Variants in ANKRD12 observed in about 807,000 individuals in gnomAD.
ANKRD12 encodes the protein ankyrin repeat domain 12, also known as ankyrin repeat domain-containing protein 12.
In ANKRD12, 85 loss-of-function variants were observed where a neutral mutation model predicts 183.4. The ratio of observed to expected loss-of-function variants is 0.46; its 90% CI spans 0.39 to 0.56. ANKRD12 has a LOEUF of 0.56. ANKRD12 is among the 20% of genes least tolerant of loss of function. ANKRD12 has a pLI of 0.00. For missense variants in ANKRD12, 2,405 were observed against 2,357.1 expected, an observed-to-expected ratio of 1.02 and a Z score of -0.42; for synonymous variants, 914 against 800.2, an observed-to-expected ratio of 1.14 and a Z score of -2.40.
At chr18:9,202,938 A>T (rs2035261615) in intron 3 of ANKRD12, among the ~76,000 whole-genome samples, 1 of 152,228 alleles carries the variant, frequency 6.6e-6, no homozygotes, top group African/African-American at 2.4e-5. Context: ...ATAAACTGGT[A>T]AACTACATTA....
chr18:9,177,216 C>A (rs1274471982), intron 1 of ANKRD12, among the ~76,000 whole-genome samples: 1 of 152,108 alleles, frequency 6.6e-6, no homozygotes, highest in Admixed American at 6.5e-5. Context: ...AAGATTGTTA[C>A]ACGGAGAATG....
intron 9 of ANKRD12, among the ~76,000 whole-genome samples, chr18:9,261,583 CTT>C (rs2145272431): frequency 6.6e-6 from 1 of 152,298 alleles, no homozygotes; most frequent in East Asian, 1.9e-4. Flanking sequence ...CTGCTGATCT[CTT>C]CTGCGGTCTT....
At chr18:9,212,509 C>T (rs1334720645) in intron 6 of ANKRD12, among the ~76,000 whole-genome samples, 1 of 151,720 alleles carries the variant, frequency 6.6e-6, no homozygotes, top group African/African-American at 2.4e-5. Flanking sequence ...GGTAGGCCTA[C>T]TCCATTAATT....
chr18:9,182,426 C>G lies in ANKRD12; in HGVS notation c.-7C>G, dbSNP rs770039664. 12 of 1,603,302 alleles carry G rather than the reference C, an allele frequency of 7.5e-6. No individual in the cohort carries two copies. The highest frequency in any genetic ancestry group is 1.0e-5 in the Non-Finnish European group (12 of 1,172,520). ...ATAAAAGAAGAAGCTAGCTGAACAG[C>G]TGTAAAATGCCCAAATCTGGGTTCA... On this transcript the variant is annotated 5_prime_UTR_variant, in exon 2 of 13. Coordinates refer to ENST00000262126, the MANE Select transcript of ANKRD12 (RefSeq NM_015208.5).
At chr18:9,245,703 CTT>C (rs1857808949) in intron 8 of ANKRD12, among the ~76,000 whole-genome samples, 1 of 152,044 alleles carries the variant, frequency 6.6e-6, no homozygotes, top group Non-Finnish European at 1.5e-5. Flanking sequence ...CTCATAAACA[CTT>C]ATGTAAATCA....
chr18:9,234,233 C>T (rs1482961481), intron 8 of ANKRD12, among the ~76,000 whole-genome samples: 2 of 152,216 alleles, frequency 1.3e-5, no homozygotes, highest in Admixed American at 6.5e-5. Flanking sequence ...TCACCCCAGC[C>T]TCCCGTGGTA....
chr18:9,184,665 C>T (rs970762230), intron 2 of ANKRD12, among the ~76,000 whole-genome samples: 7 of 152,064 alleles, frequency 4.6e-5, no homozygotes, highest in Non-Finnish European at 8.8e-5. Flanking sequence ...GCCACCACAC[C>T]CTGGCCGATG....
intron 8 of ANKRD12, among the ~76,000 whole-genome samples, chr18:9,240,649 C>G (rs1261109958): frequency 1.3e-5 from 2 of 152,198 alleles, no homozygotes; most frequent in African/African-American, 4.8e-5. Flanking sequence ...TCACCATTTT[C>G]TACCTTACCT....
chr18:9,145,653 G>T (rs1222286746), intron 1 of ANKRD12, among the ~76,000 whole-genome samples: 1 of 152,154 alleles, frequency 6.6e-6, no homozygotes, highest in Non-Finnish European at 1.5e-5. Context: ...GCAAGAGGGT[G>T]GTCTGACTGG....
chr18:9,211,469 G>T, intron 5 of ANKRD12, 115 bp from the exon 6 acceptor site: 1 of 895,918 alleles, frequency 1.1e-6, no homozygotes, highest in Non-Finnish European at 1.7e-6. Context: ...AGGTTGTTAG[G>T]GTGAGAAGGC....
intron 2 of ANKRD12, among the ~76,000 whole-genome samples, chr18:9,185,134 T>C (rs2033959877): frequency 6.6e-6 from 1 of 152,012 alleles, no homozygotes; most frequent in Admixed American, 6.6e-5. Context: ...CAAACTTCAG[T>C]TGGGATGTAG....
At chr18:9,148,720 C>A (rs1005041467) in intron 1 of ANKRD12, among the ~76,000 whole-genome samples, 5 of 152,186 alleles carry the variant, frequency 3.3e-5, no homozygotes, top group African/African-American at 1.2e-4. Context: ...GGTCATTGTG[C>A]TTTAAGTGGT....
At chr18:9,277,197 G>C (rs1048488177) in intron 11 of ANKRD12, among the ~76,000 whole-genome samples, 2 of 152,104 alleles carry the variant, frequency 1.3e-5, no homozygotes, top group Non-Finnish European at 2.9e-5. Flanking sequence ...GCACATGCCT[G>C]TAGCCCCAGC....
At chr18:9,150,310 C>A (rs1030950081) in intron 1 of ANKRD12, among the ~76,000 whole-genome samples, 4 of 152,130 alleles carry the variant, frequency 2.6e-5, no homozygotes, top group African/African-American at 4.8e-5. Flanking sequence ...CTGAAGCACT[C>A]CGTTACCTGC....
intron 2 of ANKRD12, among the ~76,000 whole-genome samples, chr18:9,187,438 TTACG>T (rs2034161544): frequency 6.6e-6 from 1 of 152,190 alleles, no homozygotes; most frequent in Admixed American, 6.5e-5. Context: ...AACAGTTCTC[TTACG>T]TAAGTAGAGA....
intron 1 of ANKRD12, among the ~76,000 whole-genome samples, chr18:9,150,656 T>C (rs185095721): frequency 2.0e-5 from 3 of 152,112 alleles, no homozygotes; most frequent in Non-Finnish European, 4.4e-5. Flanking sequence ...ATTTTTATTT[T>C]TTATTATTAT....
At chr18:9,211,493 C>G in intron 5 of ANKRD12, 91 bp from the exon 6 acceptor site, 1 of 1,182,284 alleles carries the variant, frequency 8.5e-7, no homozygotes, top group Non-Finnish European at 1.2e-6. Context: ...CCTTGTGTTT[C>G]AGGAGATTAG....
At chr18:9,254,001 A>G (rs1598707340) in intron 8 of ANKRD12, among the ~76,000 whole-genome samples, 1 of 152,232 alleles carries the variant, frequency 6.6e-6, no homozygotes. Context: ...GAGCCTCACC[A>G]TAAAGCATAT....
Position 9,280,944 on chromosome 18 carries a change from T to G in ANKRD12, c.6007T>G (p.Cys2003Gly). 6.2e-7 allele frequency: 1 copy of G among 1,608,844 alleles called. No individual in the cohort carries two copies. The change falls in exon 13 of 13, where the codon TGT becomes GGT. Residue 2003 changes from cysteine (C) to glycine (G), a missense_variant. Cys to Gly is a radical substitution (Grantham distance 159). This residue lies in a region of ANKRD12 where 162 missense variants were observed against 272.2 expected (regional missense o/e 0.60). Coordinates refer to ENST00000262126, the MANE Select transcript of ANKRD12 (RefSeq NM_015208.5). ...ACTCTTCTCTTCTTTTAAATAGACCTGTCTTTTAATGAGGCAACAACATGA... is the reference window on the plus strand; with the variant it reads ...ACTCTTCTCTTCTTTTAAATAGACCGGTCTTTTAATGAGGCAACAACATGA... The part of the protein sequence containing the change: ...VDDKFDKLKT[C>G]LLMRQQHEAA...
Sources: allele counts gnomAD v4.1 joint callset (sites outside exome capture counted in the v4.1 genomes callset), GRCh38; gene constraint gnomAD v4.1.1; regional missense constraint gnomAD v4.1.1; transcripts MANE v1.5; gene names NCBI Gene and HGNC (gene_info 2026-07-23, HGNC 2026-07-21).